Variants in YAP1 observed in about 807,000 individuals in gnomAD.
YAP1 encodes the protein transcriptional coactivator YAP1.
Under a neutral mutation model 56.9 loss-of-function variants are expected in YAP1, and 5 were observed. The observed-to-expected ratio is 0.09, with a 90% CI of 0.05 to 0.18. The LOEUF (loss-of-function observed/expected upper bound fraction) is 0.18. YAP1 is among the 10% of genes least tolerant of loss of function. The probability of loss-of-function intolerance (pLI) is 1.00; values close to 1 mark genes in which losing one functional copy is unlikely to be tolerated. For synonymous variants in YAP1, 265 were observed against 248.1 expected (o/e 1.07, Z -0.64); for missense variants, 539 against 651.8 (o/e 0.83, Z 1.88).
rs914641185 is a variant in YAP1 at position 102,149,846 on chromosome 11, T to C, written c.573-12610T>C. Among the ~76,000 whole-genome samples, 14 of 152,294 alleles carry C rather than the reference T, an allele frequency of 9.2e-5. 1 individual carries two copies. The highest frequency in any genetic ancestry group is 6.5e-4 in the Admixed American group (10 of 15,290). On this transcript the variant is annotated intron_variant, in intron 2 of 8. Transcript: ENST00000282441. ...CTGTACCTGACATCACCTGGCATGATGACTTTGCTCATAGTTGTTGCTCAG... is the reference window on the plus strand; with the variant it reads ...CTGTACCTGACATCACCTGGCATGACGACTTTGCTCATAGTTGTTGCTCAG...
chr11:102,180,756 T>G (rs1391525607), intron 3 of YAP1, among the ~76,000 whole-genome samples: 1 of 145,244 alleles, frequency 6.9e-6, no homozygotes, highest in South Asian at 2.2e-4. Context: ...GACATAGATA[T>G]AAAGAAATTT....
chr11:102,217,305 G>A (rs1170040241), intron 6 of YAP1, among the ~76,000 whole-genome samples: 1 of 152,112 alleles, frequency 6.6e-6, no homozygotes, highest in African/African-American at 2.4e-5. Flanking sequence ...TAATGAGAAA[G>A]GCAGTAAAAG....
intron 2 of YAP1, among the ~76,000 whole-genome samples, chr11:102,129,510 C>T (rs1157132184): frequency 1.3e-5 from 2 of 150,894 alleles, no homozygotes; most frequent in Non-Finnish European, 2.9e-5. Context: ...CCCAGCTGCT[C>T]GGGAGGCTGA....
chr11:102,149,977 C>CTTTTT (rs386374692), intron 2 of YAP1, among the ~76,000 whole-genome samples: 2 of 50,336 alleles, frequency 4.0e-5, no homozygotes, highest in African/African-American at 7.4e-5. Flanking sequence ...GAGTAGTGTG[C>CTTTTT]TTTTTTTTTT....
At chr11:102,121,986 C>T (rs928716420) in intron 2 of YAP1, among the ~76,000 whole-genome samples, 1 of 152,046 alleles carries the variant, frequency 6.6e-6, no homozygotes, top group Non-Finnish European at 1.5e-5. Flanking sequence ...TTTGTAGAGA[C>T]CAGGTTTTAC....
intron 2 of YAP1, among the ~76,000 whole-genome samples, chr11:102,137,764 TTA>T (rs1944767326): frequency 6.6e-6 from 1 of 151,892 alleles, no homozygotes; most frequent in African/African-American, 2.4e-5. Flanking sequence ...TTTTTTTTTT[TTA>T]AAGTCATGGA....
chr11:102,172,037 A>G (rs1329202937), intron 3 of YAP1, among the ~76,000 whole-genome samples: 2 of 151,984 alleles, frequency 1.3e-5, no homozygotes, highest in Non-Finnish European at 2.9e-5. Flanking sequence ...TAAAAATACA[A>G]AAAGTTACCT....
chr11:102,140,386 C>T (rs1314471135), intron 2 of YAP1, among the ~76,000 whole-genome samples: 1 of 152,092 alleles, frequency 6.6e-6, no homozygotes, highest in Non-Finnish European at 1.5e-5. Flanking sequence ...ATATAATAAT[C>T]TAGGATATTT....
rs528490323 is a variant in YAP1, at chr11:102,162,812, T to C, written c.688+241T>C. On this transcript the variant is annotated intron_variant, in intron 3 of 8. Coordinates refer to ENST00000282441, the MANE Select transcript of YAP1 (RefSeq NM_001130145.3). Reference sequence around the variant, plus strand: ...AAGCCAGTGGTTCTTTAAGATTTGGTTCTGAAGCGGGTATCTCAAATTTGT... The same window carrying C: ...AAGCCAGTGGTTCTTTAAGATTTGGCTCTGAAGCGGGTATCTCAAATTTGT... Among the ~76,000 whole-genome samples, 3 of 152,306 alleles carry C rather than the reference T, an allele frequency of 2.0e-5. No homozygotes were observed. In the East Asian group the frequency reaches 5.8e-4, roughly 29 times the overall value.
At chr11:102,202,703 C>G (rs1014981098) in intron 4 of YAP1, among the ~76,000 whole-genome samples, 8 of 152,046 alleles carry the variant, frequency 5.3e-5, no homozygotes, top group Non-Finnish European at 8.8e-5. Context: ...TTTGTAACCT[C>G]TAATGAAATA....
intron 2 of YAP1, among the ~76,000 whole-genome samples, chr11:102,126,777 A>C (rs768190619): frequency 6.6e-6 from 1 of 152,222 alleles, no homozygotes; most frequent in Non-Finnish European, 1.5e-5. Context: ...GAAGACAAGA[A>C]AATGTGGGAA....
At chr11:102,177,641 C>T (rs1440422422) in intron 3 of YAP1, among the ~76,000 whole-genome samples, 1 of 143,746 alleles carries the variant, frequency 7.0e-6, no homozygotes, top group African/African-American at 2.6e-5. Context: ...TGCGCCATGG[C>T]ACTCTAGCCT....
chr11:102,202,678 G>A (rs559609121), intron 4 of YAP1, among the ~76,000 whole-genome samples: 5 of 152,188 alleles, frequency 3.3e-5, no homozygotes, highest in African/African-American at 1.2e-4. Flanking sequence ...ACATGGGAAG[G>A]AATGATACCA....
At position 102,230,165 on chromosome 11, in the gene YAP1, CT is replaced by C. The variant is rs1186179990; in HGVS notation, c.*230del. On this transcript the variant is annotated 3_prime_UTR_variant, in exon 9 of 9. Coordinates refer to ENST00000282441, the MANE Select transcript of YAP1 (RefSeq NM_001130145.3). ...GCTCTAAAGAATCAAAAGAAAAAAA[CT>C]TTTTATTTCTTTTGCTATTAAAACT... 4.8e-6 allele frequency: 2 copies of C among 415,860 alleles called. No individual in the cohort carries two copies. Among genetic ancestry groups the C allele is most frequent in the Non-Finnish European group, 8.6e-6 (2 of 233,884 alleles). 25.8% of individuals were successfully genotyped at this position (415,860 alleles called of 1,614,324 possible).
chr11:102,202,549 G>A (rs1452551250), intron 4 of YAP1, among the ~76,000 whole-genome samples: 1 of 151,480 alleles, frequency 6.6e-6, no homozygotes, highest in Non-Finnish European at 1.5e-5. Context: ...CATCCTGAAA[G>A]TGTACACAAA....
In YAP1 at chr11:102,204,975, A is replaced by C. The variant is rs190202317; in HGVS notation, c.803-918A>C. ...AACAGTGACCCAAAATTTCAACTTA[A>C]GTTGAATATGTATCTGAAAAGGTTT... On this transcript the variant is annotated intron_variant, in intron 4 of 8. Coordinates refer to ENST00000282441, the MANE Select transcript of YAP1 (RefSeq NM_001130145.3). 1.1e-4 allele frequency among the ~76,000 whole-genome samples: 17 copies of C among 152,258 alleles called. No individual in the cohort carries two copies. The East Asian group carries it at 3.1e-3, about 28-fold the overall frequency.
rs532371569 is a variant in YAP1, at chr11:102,129,604, C to T, written c.572+15210C>T. ...TTGCATTCCAGGCTGGGCAACAGAG[C>T]GAGACTCTGTCTCCAAAAAAAAAAA... On this transcript the variant is annotated intron_variant, in intron 2 of 8. Transcript: ENST00000282441. 3.5e-3 allele frequency among the ~76,000 whole-genome samples: 375 copies of T among 108,368 alleles called. 1 individual carries two copies. The highest frequency in any genetic ancestry group is 4.4e-3 in the Non-Finnish European group (249 of 56,380). The allele number at this position is 108,368 out of a possible 152,430, so 71.1% of individuals were successfully genotyped here. A position where few individuals can be genotyped will look rare whatever the true frequency, so the allele number is the denominator to read the frequency against.
chr11:102,134,483 A>T (rs1428773024), intron 2 of YAP1, among the ~76,000 whole-genome samples: 2 of 147,800 alleles, frequency 1.4e-5, no homozygotes, highest in Non-Finnish European at 3.0e-5. Flanking sequence ...AAAATTATAT[A>T]TATTTATTTA....
chr11:102,136,560 C>G (rs1319695453), intron 2 of YAP1, among the ~76,000 whole-genome samples: 1 of 151,932 alleles, frequency 6.6e-6, no homozygotes, highest in Non-Finnish European at 1.5e-5. Context: ...ACCATGTTGC[C>G]CAAGCTGGTG....
Sources: gnomAD v4.1 joint callset for allele counts (sites outside exome capture counted in the v4.1 genomes callset) on GRCh38, gnomAD v4.1.1 for gene constraint, MANE v1.5 for transcripts, NCBI Gene and HGNC (gene_info 2026-07-23, HGNC 2026-07-21) for gene names.